The following ANKS1B variants were observed in gnomAD, a reference collection of about 807,000 sequenced individuals.
ANKS1B encodes ankyrin repeat and sterile alpha motif domain containing 1B.
ANKS1B carries 36 observed loss-of-function variants against 148.3 expected under a neutral mutation model. That is an observed-to-expected ratio of 0.24 (90% CI 0.19 to 0.32). ANKS1B has a LOEUF of 0.32. Ranked by LOEUF, ANKS1B falls within the 10% of genes least tolerant of loss-of-function variation. ANKS1B has a pLI of 1.00. For synonymous variants in ANKS1B, 542 were observed against 560.8 expected, an observed-to-expected ratio of 0.97 and a Z score of 0.47; for missense variants, 1,157 against 1,542.6, an observed-to-expected ratio of 0.75 and a Z score of 4.19.
intron 17 of ANKS1B, among the ~76,000 whole-genome samples, chr12:98,919,898 C>T (rs978483014): frequency 1.3e-5 from 2 of 152,172 alleles, no homozygotes; most frequent in Non-Finnish European, 2.9e-5. Context: ...TCAAGAGTGA[C>T]TACACTCGAG....
At chr12:98,917,098 C>T (rs1025898352) in intron 17 of ANKS1B, among the ~76,000 whole-genome samples, 12 of 151,940 alleles carry the variant, frequency 7.9e-5, no homozygotes, top group Non-Finnish European at 1.5e-4. Context: ...GTAGCTGGTG[C>T]TACAGATGTA....
intron 1 of ANKS1B, among the ~76,000 whole-genome samples, chr12:99,828,032 G>A (rs982156011): frequency 3.9e-5 from 6 of 151,988 alleles, no homozygotes; most frequent in Non-Finnish European, 8.8e-5. Flanking sequence ...CTAAAACAGA[G>A]ACAACCCAAA....
rs77464484 is a variant in ANKS1B at position 99,494,166 on chromosome 12, C to T, written c.1438+10310G>A. Among the ~76,000 whole-genome samples the T allele has an allele frequency of 2.8e-4, 43 of 152,182 alleles. No homozygotes were observed. In the South Asian group the frequency reaches 7.9e-3, roughly 28 times the overall value. ...TGAGAGGTTAAGAAAAAGTGAGGATCGAGAAATGCCCTTTTTGATTTTGTG... is the reference window on the plus strand; with the variant it reads ...TGAGAGGTTAAGAAAAAGTGAGGATTGAGAAATGCCCTTTTTGATTTTGTG... On this transcript the variant is annotated intron_variant, in intron 10 of 26. Transcript: ENST00000683438.
At chr12:99,761,420 C>G (rs1392498991) in intron 8 of ANKS1B, among the ~76,000 whole-genome samples, 1 of 151,984 alleles carries the variant, frequency 6.6e-6, no homozygotes, top group South Asian at 2.1e-4. Context: ...GGATTTACCA[C>G]ATAAGCAGAT....
At chr12:99,948,031 C>T (rs1246267608) in intron 1 of ANKS1B, among the ~76,000 whole-genome samples, 1 of 152,158 alleles carries the variant, frequency 6.6e-6, no homozygotes, top group African/African-American at 2.4e-5. Context: ...ACCCAGATAA[C>T]CTCCCTACCT....
At chr12:98,918,104 T>C (rs2099796815) in intron 17 of ANKS1B, among the ~76,000 whole-genome samples, 1 of 152,208 alleles carries the variant, frequency 6.6e-6, no homozygotes, top group Non-Finnish European at 1.5e-5. Context: ...ACCATGTCAA[T>C]AGTTCCTGCA....
chr12:99,331,471 C>T (rs2087544442), intron 12 of ANKS1B, among the ~76,000 whole-genome samples: 1 of 152,006 alleles, frequency 6.6e-6, no homozygotes, highest in South Asian at 2.1e-4. Flanking sequence ...TCCTTCATGA[C>T]ATTTAATCAG....
intron 17 of ANKS1B, among the ~76,000 whole-genome samples, chr12:98,986,465 G>A (rs79053305): frequency 0.02 from 3,097 of 151,844 alleles, 111 homozygotes; most frequent in African/African-American, 0.071. Flanking sequence ...CTTCTTCTGT[G>A]TTCAAGCTGA....
At chr12:99,343,534 C>A (rs935693856) in intron 12 of ANKS1B, among the ~76,000 whole-genome samples, 1 of 151,966 alleles carries the variant, frequency 6.6e-6, no homozygotes, top group African/African-American at 2.4e-5. Context: ...TTTTCAGGGA[C>A]CTTACTTAAT....
intron 9 of ANKS1B, chr12:99,649,407 T>A (rs1444476801): frequency 2.5e-6 from 4 of 1,597,710 alleles, no homozygotes; most frequent in Non-Finnish European, 3.4e-6. Context: ...GAATCCAACA[T>A]ACCTCCCACA....
intron 11 of ANKS1B, among the ~76,000 whole-genome samples, chr12:99,437,408 G>GACT (rs1238897913): frequency 6.6e-5 from 10 of 151,902 alleles, no homozygotes; most frequent in African/African-American, 2.4e-4. Flanking sequence ...TTTCCAGATT[G>GACT]ACTTCTTAGG....
intron 9 of ANKS1B, among the ~76,000 whole-genome samples, chr12:99,532,593 C>T (rs2097011445): frequency 6.6e-6 from 1 of 152,140 alleles, no homozygotes; most frequent in African/African-American, 2.4e-5. Flanking sequence ...ATCTCCTGAC[C>T]TCGTGAGCCA....
chr12:99,286,142 C>A lies in ANKS1B; in HGVS notation c.1757-39278G>T, dbSNP rs962841119. On this transcript the variant is annotated intron_variant, in intron 12 of 26. Coordinates refer to ENST00000683438, the MANE Select transcript of ANKS1B (RefSeq NM_001352186.2). ...CAGCACAGCTTGCAGCTCCAGGATT[C>A]ACACCTTCCTTCTGCTTGAGAAGAA... is the stretch of plus-strand genomic sequence containing the variant. 4.6e-5 allele frequency among the ~76,000 whole-genome samples: 7 copies of A among 151,586 alleles called. No individual in the cohort carries two copies. The South Asian group carries it at 1.2e-3, about 27-fold the overall frequency.
At chr12:99,348,645 T>C (rs1274090035) in intron 12 of ANKS1B, among the ~76,000 whole-genome samples, 2 of 151,922 alleles carry the variant, frequency 1.3e-5, no homozygotes, top group Non-Finnish European at 2.9e-5. Context: ...ATGACTTATT[T>C]AAATTGCTGA....
At chr12:99,446,525 T>A (rs1029809150) in intron 10 of ANKS1B, among the ~76,000 whole-genome samples, 4 of 151,994 alleles carry the variant, frequency 2.6e-5, no homozygotes, top group African/African-American at 9.7e-5. Context: ...ACAGAGAAAC[T>A]CATCTCAAAG....
intron 1 of ANKS1B, among the ~76,000 whole-genome samples, chr12:99,914,304 C>G (rs1302544309): frequency 6.6e-6 from 1 of 152,176 alleles, no homozygotes; most frequent in African/African-American, 2.4e-5. Flanking sequence ...TAACCCCTAA[C>G]AGGCTACAGC....
At chr12:99,766,036 T>C (rs1039563201) in intron 8 of ANKS1B, among the ~76,000 whole-genome samples, 5 of 152,174 alleles carry the variant, frequency 3.3e-5, no homozygotes, top group Non-Finnish European at 5.9e-5. Flanking sequence ...GAGATTCCCA[T>C]CATGATTGCT....
At chr12:99,758,664 A>G (rs1248275173) in intron 8 of ANKS1B, among the ~76,000 whole-genome samples, 1 of 151,946 alleles carries the variant, frequency 6.6e-6, no homozygotes, top group Non-Finnish European at 1.5e-5. Context: ...ATATCTACCT[A>G]TGGAGTAGAA....
At chr12:99,866,066 T>C (rs2090713359) in intron 1 of ANKS1B, among the ~76,000 whole-genome samples, 1 of 152,200 alleles carries the variant, frequency 6.6e-6, no homozygotes, top group South Asian at 2.1e-4. Context: ...CCAACAAAAC[T>C]ATTGTGAGTA....
Sources: allele counts gnomAD v4.1 joint callset (sites outside exome capture counted in the v4.1 genomes callset), GRCh38; gene constraint gnomAD v4.1.1; transcripts MANE v1.5; gene names NCBI Gene and HGNC (gene_info 2026-07-23, HGNC 2026-07-21).